Variants in FSHR observed in about 807,000 individuals in gnomAD.
The protein encoded by FSHR is follicle stimulating hormone receptor.
FSHR carries 46 observed loss-of-function variants against 52.1 expected under a neutral mutation model. The observed-to-expected ratio is 0.88, with a 90% CI of 0.70 to 1.13. FSHR has a LOEUF of 1.13. Among genes scored for constraint, FSHR ranks in the 50% most tolerant of loss-of-function variants. The pLI, the probability that FSHR is intolerant of heterozygous loss-of-function variation, is 0.00. For missense variants in FSHR, 964 were observed against 834.6 expected, an observed-to-expected ratio of 1.16 and a Z score of -1.91; for synonymous variants, 399 against 309.6, an observed-to-expected ratio of 1.29 and a Z score of -3.03.
At chr2:49,061,673 CTATA>C (rs1280994064) in intron 2 of FSHR, among the ~76,000 whole-genome samples, 28 of 138,146 alleles carry the variant, frequency 2.0e-4, no homozygotes, top group African/African-American at 6.6e-4. Context: ...ATATTTATAA[CTATA>C]TATAACTATA....
chr2:48,993,360 A>G (rs962402718), intron 4 of FSHR, among the ~76,000 whole-genome samples: 4 of 152,304 alleles, frequency 2.6e-5, no homozygotes, highest in African/African-American at 9.6e-5. Context: ...TAGAATTGCT[A>G]TCCATCAATT....
intron 1 of FSHR, among the ~76,000 whole-genome samples, chr2:49,093,091 ATCCATAT>A (rs1670674322): frequency 6.6e-6 from 1 of 152,228 alleles, no homozygotes; most frequent in Admixed American, 6.5e-5. Flanking sequence ...GTGATTTTTC[ATCCATAT>A]TCATGAAGGA....
intron 1 of FSHR, among the ~76,000 whole-genome samples, chr2:49,123,353 G>A (rs1189712193): frequency 1.3e-5 from 2 of 152,118 alleles, no homozygotes; most frequent in Non-Finnish European, 2.9e-5. Flanking sequence ...CAGGCACGGT[G>A]GCTCACGCTG....
intron 1 of FSHR, among the ~76,000 whole-genome samples, chr2:49,109,636 T>C (rs574330094): frequency 6.6e-6 from 1 of 152,162 alleles, no homozygotes; most frequent in Non-Finnish European, 1.5e-5. Context: ...TGAGAGCTGG[T>C]CAAATAAAGA....
chr2:49,000,752 T>C (rs1666842873), intron 4 of FSHR, among the ~76,000 whole-genome samples: 1 of 152,112 alleles, frequency 6.6e-6, no homozygotes, highest in South Asian at 2.1e-4. Flanking sequence ...AAAGAGGGAC[T>C]TTAGAAAGAC....
At chr2:49,122,184 G>C (rs965164485) in intron 1 of FSHR, among the ~76,000 whole-genome samples, 1 of 152,104 alleles carries the variant, frequency 6.6e-6, no homozygotes, top group Non-Finnish European at 1.5e-5. Flanking sequence ...AGCATGTTCT[G>C]AGCATTTTCC....
At chr2:49,125,222 T>A (rs1671955961) in intron 1 of FSHR, among the ~76,000 whole-genome samples, 1 of 152,218 alleles carries the variant, frequency 6.6e-6, no homozygotes, top group African/African-American at 2.4e-5. Context: ...AGCATAGGGA[T>A]GCTCAATCTT....
intron 4 of FSHR, among the ~76,000 whole-genome samples, chr2:49,012,124 C>T (rs1283876697): frequency 6.6e-6 from 1 of 152,040 alleles, no homozygotes; most frequent in Non-Finnish European, 1.5e-5. Context: ...GCTTACAGCA[C>T]TGTGTGAAAG....
At chr2:49,056,043 A>T (rs1669050035) in intron 2 of FSHR, among the ~76,000 whole-genome samples, 1 of 152,016 alleles carries the variant, frequency 6.6e-6, no homozygotes, top group South Asian at 2.1e-4. Context: ...AAAACCACCT[A>T]ATTGCAATAA....
At chr2:49,121,138 G>T (rs1360450674) in intron 1 of FSHR, among the ~76,000 whole-genome samples, 1 of 152,196 alleles carries the variant, frequency 6.6e-6, no homozygotes, top group East Asian at 1.9e-4. Flanking sequence ...GTGTGTTAGG[G>T]AATAATGTGC....
At chr2:49,133,483 G>A (rs1212168559) in intron 1 of FSHR, among the ~76,000 whole-genome samples, 1 of 152,098 alleles carries the variant, frequency 6.6e-6, no homozygotes, top group African/African-American at 2.4e-5. Flanking sequence ...CATCAAAATG[G>A]CCATGCTGCC....
At chr2:48,971,834 A>G (rs1674755078) in intron 8 of FSHR, among the ~76,000 whole-genome samples, 1 of 152,168 alleles carries the variant, frequency 6.6e-6, no homozygotes, top group African/African-American at 2.4e-5. Context: ...ATCTCTAGTA[A>G]TAATTGTCTC....
At chr2:49,086,399 A>G (rs540253183) in intron 1 of FSHR, among the ~76,000 whole-genome samples, 87 of 152,298 alleles carry the variant, frequency 5.7e-4, no homozygotes, top group Non-Finnish European at 1.0e-3. Context: ...GTGACACCTT[A>G]TAAATGGCAT....
chr2:49,121,200 T>C (rs1173213617), intron 1 of FSHR, among the ~76,000 whole-genome samples: 1 of 152,224 alleles, frequency 6.6e-6, no homozygotes, highest in Non-Finnish European at 1.5e-5. Flanking sequence ...GTGATTTCCA[T>C]AACCTACCTT....
At chr2:48,994,123 C>T (rs549831883) in intron 4 of FSHR, among the ~76,000 whole-genome samples, 1 of 152,218 alleles carries the variant, frequency 6.6e-6, no homozygotes, top group Admixed American at 6.5e-5. Flanking sequence ...TTGCCAAGCT[C>T]TTTATGCCAG....
At chr2:49,132,354 T>G (rs1672309523) in intron 1 of FSHR, among the ~76,000 whole-genome samples, 1 of 152,184 alleles carries the variant, frequency 6.6e-6, no homozygotes, top group African/African-American at 2.4e-5. Flanking sequence ...TCTATCCTGC[T>G]CAGAAGAAAA....
chr2:48,973,821 G>A (rs1271145453), intron 8 of FSHR, among the ~76,000 whole-genome samples: 4 of 152,182 alleles, frequency 2.6e-5, no homozygotes, highest in South Asian at 2.1e-4. Flanking sequence ...GATGTTCTCC[G>A]ACTTCCAGAA....
Position 48,963,500 on chromosome 2 carries a change from C to T in FSHR, c.1321G>A (p.Gly441Ser). Residue 441 changes from glycine to serine, a missense_variant, in exon 10 of 10, where the codon GGC becomes AGC. Physicochemically the swap from Gly to Ser is moderately conservative, Grantham distance 56. Transcript: ENST00000406846. ...NYAIDWQTGA[G>S]CDAAGFFTVF... ...GTGAAAAAGCCAGCAGCATCACAGCCTGCCCCAGTTTGCCAGTCAATGGCA... is the reference window on the plus strand; with the variant it reads ...GTGAAAAAGCCAGCAGCATCACAGCTTGCCCCAGTTTGCCAGTCAATGGCA... 1 of 1,614,194 alleles carries T rather than the reference C, an allele frequency of 6.2e-7. No individual in the cohort carries two copies. Among genetic ancestry groups the T allele is most frequent in the Middle Eastern group, 1.6e-4 (1 of 6,062 alleles).
chr2:48,978,446 T>A (rs958192455), intron 8 of FSHR, among the ~76,000 whole-genome samples: 11 of 152,342 alleles, frequency 7.2e-5, no homozygotes, highest in South Asian at 6.2e-4. Flanking sequence ...ACCATTCTTA[T>A]ACAAATAACT....
Sources: gnomAD v4.1 joint callset for allele counts (sites outside exome capture counted in the v4.1 genomes callset) on GRCh38, gnomAD v4.1.1 for gene constraint, MANE v1.5 for transcripts, NCBI Gene and HGNC (gene_info 2026-07-23, HGNC 2026-07-21) for gene names.